LINGO2: variants seen among roughly 807,000 people sequenced by gnomAD.
LINGO2 encodes the protein leucine rich repeat and Ig domain containing 2, also known as leucine-rich repeat and immunoglobulin-like domain-containing nogo receptor-interacting protein 2.
Under a neutral mutation model 30.6 loss-of-function variants are expected in LINGO2, and 14 were observed. The observed-to-expected ratio is 0.46, with a 90% confidence interval of 0.30 to 0.72. The LOEUF is 0.72. Among genes scored for constraint, LINGO2 ranks in the 30% least tolerant of loss-of-function variants. The pLI is 0.07. For missense variants in LINGO2, 729 were observed against 751.7 expected, an observed-to-expected ratio of 0.97 and a Z score of 0.35; for synonymous variants, 317 against 288.5, an observed-to-expected ratio of 1.10 and a Z score of -1.00.
At chr9:28,376,568 C>T (rs985831412) in intron 2 of LINGO2, among the ~76,000 whole-genome samples, 4 of 152,170 alleles carry the variant, frequency 2.6e-5, no homozygotes, top group East Asian at 1.9e-4. Context: ...ACCTTCCACC[C>T]GAGGGAACTG....
chr9:28,239,171 C>G (rs1821687551), intron 4 of LINGO2, among the ~76,000 whole-genome samples: 1 of 151,704 alleles, frequency 6.6e-6, no homozygotes, highest in African/African-American at 2.4e-5. Context: ...AAAGAAAAAC[C>G]CAGGACAAGA....
intron 4 of LINGO2, among the ~76,000 whole-genome samples, chr9:28,257,033 C>T (rs552439264): frequency 1.3e-5 from 2 of 151,490 alleles, no homozygotes; most frequent in African/African-American, 4.8e-5. Context: ...CATATTATTT[C>T]ATGACACAAA....
At chr9:29,011,632 G>T in the LINGO2 span, among the ~76,000 whole-genome samples, 11 of 152,230 alleles carry the variant, frequency 7.2e-5, no homozygotes, top group African/African-American at 2.4e-4. Flanking sequence ...CATATAAAAA[G>T]TTTAATAGGT....
At chr9:29,200,112 T>G in the LINGO2 span, among the ~76,000 whole-genome samples, 21 of 152,194 alleles carry the variant, frequency 1.4e-4, no homozygotes, top group South Asian at 4.1e-3. Flanking sequence ...CCTGGAGTTT[T>G]TCCCGGATAC....
chr9:28,230,513 A>T (rs1445711641), intron 4 of LINGO2, among the ~76,000 whole-genome samples: 3 of 151,866 alleles, frequency 2.0e-5, no homozygotes, highest in African/African-American at 4.8e-5. Flanking sequence ...TCCCATCTTA[A>T]CTAATTTAAA....
chr9:28,702,705 T>A, the LINGO2 span, among the ~76,000 whole-genome samples: 1 of 151,896 alleles, frequency 6.6e-6, no homozygotes. Flanking sequence ...GATGACAGAA[T>A]GTTTGTAATA....
At chr9:28,760,741 A>T in the LINGO2 span, among the ~76,000 whole-genome samples, 4 of 151,804 alleles carry the variant, frequency 2.6e-5, no homozygotes, top group Non-Finnish European at 5.9e-5. Flanking sequence ...TTTATCAGTG[A>T]GAACACACAA....
At chr9:28,285,041 A>G (rs562054334) in intron 4 of LINGO2, among the ~76,000 whole-genome samples, 4 of 152,210 alleles carry the variant, frequency 2.6e-5, no homozygotes, top group Admixed American at 6.5e-5. Flanking sequence ...AATAATAGTA[A>G]CCACTACCAC....
intron 1 of LINGO2, among the ~76,000 whole-genome samples, chr9:28,606,118 A>G (rs1194122071): frequency 6.6e-6 from 1 of 151,992 alleles, no homozygotes; most frequent in Non-Finnish European, 1.5e-5. Flanking sequence ...CTTTGTGACT[A>G]TTTCTCTCAG....
chr9:28,246,048 C>T (rs1031921261), intron 4 of LINGO2, among the ~76,000 whole-genome samples: 5 of 152,102 alleles, frequency 3.3e-5, no homozygotes, highest in South Asian at 2.1e-4. Context: ...TCAAACTATA[C>T]CACAAGGCTA....
At chr9:29,182,842 C>A in the LINGO2 span, among the ~76,000 whole-genome samples, 2 of 152,060 alleles carry the variant, frequency 1.3e-5, no homozygotes, top group Non-Finnish European at 2.9e-5. Context: ...AGTTTTAAAT[C>A]ATTCCTTCAA....
intron 4 of LINGO2, among the ~76,000 whole-genome samples, chr9:28,178,978 G>T (rs892715037): frequency 1.1e-4 from 16 of 152,056 alleles, no homozygotes; most frequent in African/African-American, 3.9e-4. Context: ...CAGCCAAATA[G>T]ACTTGAAGAG....
chr9:28,064,654 G>C lies in LINGO2; in HGVS notation c.-86-52249C>G, dbSNP rs186377080. ...GAACTGCTCTGATTACAAAATAATG[G>C]GTCCATCAGGCACAATTAATACCCA... On this transcript the variant is annotated intron_variant, in intron 4 of 5. Coordinates refer to ENST00000379992, the Ensembl canonical transcript of LINGO2. 1.4e-3 allele frequency among the ~76,000 whole-genome samples: 206 copies of C among 152,054 alleles called. 7 individuals are homozygous for C. Among genetic ancestry groups the C allele is most frequent in the Admixed American group, 0.013 (205 of 15,260 alleles).
At chr9:29,108,671 A>C in the LINGO2 span, among the ~76,000 whole-genome samples, 3 of 152,228 alleles carry the variant, frequency 2.0e-5, no homozygotes, top group African/African-American at 7.2e-5. Flanking sequence ...TGGCATTTAG[A>C]GGTATGCATA....
the LINGO2 span, among the ~76,000 whole-genome samples, chr9:28,907,595 G>C: frequency 6.6e-6 from 1 of 151,750 alleles, no homozygotes; most frequent in Admixed American, 6.6e-5. Flanking sequence ...AGACCACTCT[G>C]AAAGAAATAT....
exon 6 of LINGO2, chr9:27,949,928 A>G (rs147285993): frequency 2.7e-5 from 43 of 1,613,918 alleles, no homozygotes; most frequent in Non-Finnish European, 3.6e-5. Flanking sequence ...TGAGGTTGAG[A>G]CCGTAGAGGC....
the LINGO2 span, among the ~76,000 whole-genome samples, chr9:28,966,246 A>G: frequency 6.6e-6 from 1 of 152,152 alleles, no homozygotes; most frequent in Non-Finnish European, 1.5e-5. Flanking sequence ...CAAAAGAGTA[A>G]GAGAGGTTGA....
the LINGO2 span, among the ~76,000 whole-genome samples, chr9:28,966,284 T>C: frequency 6.6e-6 from 1 of 152,186 alleles, no homozygotes; most frequent in African/African-American, 2.4e-5. Context: ...GAGGCCTCTT[T>C]ACCTTTGAAG....
chr9:27,976,761 T>C (rs1820613487), intron 5 of LINGO2, among the ~76,000 whole-genome samples: 1 of 152,016 alleles, frequency 6.6e-6, no homozygotes, highest in Admixed American at 6.6e-5. Context: ...TTTAGGAAGG[T>C]GATTAAGCTT....
Sources: allele counts gnomAD v4.1 joint callset (sites outside exome capture counted in the v4.1 genomes callset), GRCh38; gene constraint gnomAD v4.1.1; transcripts MANE v1.5; gene names NCBI Gene and HGNC (gene_info 2026-07-23, HGNC 2026-07-21).